The following FHL5 variants were observed in gnomAD, a reference collection of about 807,000 sequenced individuals.
FHL5 encodes four and a half LIM domains protein 5.
FHL5 carries 33 observed loss-of-function variants against 32.0 expected under a neutral mutation model. That is an observed-to-expected ratio of 1.03 (90% CI 0.78 to 1.38). The LOEUF (loss-of-function observed/expected upper bound fraction) is 1.38. Ranked by LOEUF, FHL5 falls within the 40% of genes most tolerant of loss-of-function variation. FHL5 has a pLI of 0.00. For synonymous variants in FHL5, 114 were observed against 113.6 expected (o/e 1.00, Z -0.02); for missense variants, 336 against 343.9 (o/e 0.98, Z 0.18).
chr6:96,607,612 G>C (rs1771312072), intron 4 of FHL5, among the ~76,000 whole-genome samples: 4 of 152,098 alleles, frequency 2.6e-5, no homozygotes, highest in Admixed American at 2.6e-4. Context: ...TGGCTTAGAA[G>C]GTGACTTTAC....
intron 5 of FHL5, among the ~76,000 whole-genome samples, chr6:96,611,554 T>C (rs1054297931): frequency 1.1e-4 from 17 of 152,226 alleles, no homozygotes; most frequent in Non-Finnish European, 2.4e-4. Context: ...TGGCAATTTA[T>C]AATCACTTAA....
At chr6:96,563,993 T>G (rs1770300915) in intron 1 of FHL5, among the ~76,000 whole-genome samples, 1 of 152,106 alleles carries the variant, frequency 6.6e-6, no homozygotes, top group African/African-American at 2.4e-5. Flanking sequence ...GAAACAGAGG[T>G]AGTGTTATTC....
intron 5 of FHL5, 62 bp downstream of exon 5, chr6:96,610,820 C>A: frequency 1.7e-6 from 2 of 1,209,458 alleles, no homozygotes; most frequent in Non-Finnish European, 2.3e-6. Context: ...GAAACACTAT[C>A]TAGTTAATTT....
chr6:96,570,894 A>AT lies in FHL5; in HGVS notation c.-13+7546dup, dbSNP rs1360960137. On this transcript the variant is annotated intron_variant, in intron 1 of 5. Transcript: ENST00000450218. ...ATTGAATTTTTCATTTATATTGTGA[A>AT]TTTTTTTCTTATTTTATTTAATTGT... 4.0e-5 allele frequency among the ~76,000 whole-genome samples: 6 copies of AT among 151,360 alleles called. No individual in the cohort carries two copies. In the East Asian group the frequency reaches 9.7e-4, roughly 24 times the overall value.
intron 1 of FHL5, among the ~76,000 whole-genome samples, chr6:96,600,984 C>T (rs1298213290): frequency 6.6e-6 from 1 of 152,194 alleles, no homozygotes; most frequent in Non-Finnish European, 1.5e-5. Context: ...TCTGTTCTCA[C>T]CCTACCCAAC....
chr6:96,594,896 A>C (rs1165025877), intron 1 of FHL5, among the ~76,000 whole-genome samples: 1 of 151,964 alleles, frequency 6.6e-6, no homozygotes, highest in Non-Finnish European at 1.5e-5. Context: ...TTTTCCAGCA[A>C]TACAAGGATT....
intron 1 of FHL5, among the ~76,000 whole-genome samples, chr6:96,566,719 C>T (rs552547930): frequency 7.3e-5 from 11 of 151,678 alleles, no homozygotes; most frequent in East Asian, 3.9e-4. Context: ...TATCTTCTTG[C>T]GGTTTTGATT....
At chr6:96,570,074 G>A (rs529436056) in intron 1 of FHL5, among the ~76,000 whole-genome samples, 409 of 151,848 alleles carry the variant, frequency 2.7e-3, no homozygotes, top group African/African-American at 9.4e-3. Context: ...CTACCAATGA[G>A]CTTTATACTT....
chr6:96,609,897 T>C (rs1771363187), intron 4 of FHL5, among the ~76,000 whole-genome samples: 1 of 152,092 alleles, frequency 6.6e-6, no homozygotes, highest in Non-Finnish European at 1.5e-5. Context: ...AAGATAATAG[T>C]CTGTAGTATG....
rs35724976 is a variant in FHL5, at chr6:96,604,821, G to C, written c.231G>C (p.Val77=). 2,714 of 1,614,006 alleles carry C rather than the reference G, an allele frequency of 1.7e-3. 48 individuals carry two copies. In the African/African-American group the frequency reaches 0.032, roughly 19 times the overall value. The change falls in exon 3 of 6, where the codon GTG becomes GTC. Residue 77 remains valine, a synonymous_variant. Coordinates refer to ENST00000450218, the MANE Select transcript of FHL5 (RefSeq NM_001322466.2). ...FKCTKCNHSL[V]EKPFAAKDER... Reference sequence around the variant, plus strand: ...GCACCAAATGCAATCACTCTTTGGTGGAAAAGCCTTTTGCTGCCAAGGATG... The same window carrying C: ...GCACCAAATGCAATCACTCTTTGGTCGAAAAGCCTTTTGCTGCCAAGGATG...
chr6:96,583,106 C>T (rs1770727519), intron 1 of FHL5, among the ~76,000 whole-genome samples: 1 of 152,048 alleles, frequency 6.6e-6, no homozygotes. Flanking sequence ...GAATCTGTAG[C>T]TTTTGATTTT....
intron 1 of FHL5, among the ~76,000 whole-genome samples, chr6:96,588,537 T>C (rs1770848197): frequency 6.6e-6 from 1 of 152,226 alleles, no homozygotes; most frequent in Non-Finnish European, 1.5e-5. Context: ...CATTTGATAT[T>C]GTCAGCATTC....
chr6:96,603,300 T>C (rs1202647649), intron 1 of FHL5, among the ~76,000 whole-genome samples: 1 of 152,166 alleles, frequency 6.6e-6, no homozygotes, highest in African/African-American at 2.4e-5. Flanking sequence ...AGATACCATA[T>C]TCTCATTGAA....
At chr6:96,576,216 A>G (rs1770581459) in intron 1 of FHL5, among the ~76,000 whole-genome samples, 1 of 152,184 alleles carries the variant, frequency 6.6e-6, no homozygotes, top group African/African-American at 2.4e-5. Context: ...GCATACCTTC[A>G]CACTTTTCCA....
rs752790223 is a variant in FHL5, at chr6:96,591,321, A to AT, written c.-12-12277dup. ...AGTTTTATTTATTTTAGATTTTTCC[A>AT]TTTTACCTAAATTTTCTAATTCTTT... is the stretch of plus-strand genomic sequence containing the variant. On this transcript the variant is annotated intron_variant, in intron 1 of 5. Coordinates refer to ENST00000450218, the MANE Select transcript of FHL5 (RefSeq NM_001322466.2). Among the ~76,000 whole-genome samples the AT allele has an allele frequency of 2.6e-5, 4 of 151,980 alleles. No individual in the cohort carries two copies. The East Asian group carries it at 5.8e-4, about 22-fold the overall frequency.
In FHL5 at chr6:96,617,454, T is replaced by C. The variant is rs1245735332; in HGVS notation, c.*1682T>C. Among the ~76,000 whole-genome samples, 1 of 152,266 alleles carries C rather than the reference T, an allele frequency of 6.6e-6. No individual in the cohort carries two copies. Among genetic ancestry groups the C allele is most frequent in the East Asian group, 1.9e-4 (1 of 5,204 alleles). On this transcript the variant is annotated 3_prime_UTR_variant, in exon 6 of 6. Coordinates refer to ENST00000450218, the MANE Select transcript of FHL5 (RefSeq NM_001322466.2). ...AGCGATGTTAATAATTTAGAGATAC[T>C]AATAAGTGTTCTGCTAGATAGACTA...
chr6:96,609,353 C>T (rs1198764699), intron 4 of FHL5, among the ~76,000 whole-genome samples: 2 of 152,132 alleles, frequency 1.3e-5, no homozygotes, highest in East Asian at 3.8e-4. Context: ...CTTACAAAAA[C>T]ACATTCCAGT....
intron 1 of FHL5, among the ~76,000 whole-genome samples, chr6:96,600,692 T>A (rs1487404476): frequency 6.6e-6 from 1 of 152,188 alleles, no homozygotes; most frequent in East Asian, 1.9e-4. Flanking sequence ...TATTCAAAGA[T>A]CAATAGTTAA....
chr6:96,597,952 C>A (rs1232091114), intron 1 of FHL5, among the ~76,000 whole-genome samples: 2 of 152,094 alleles, frequency 1.3e-5, no homozygotes, highest in South Asian at 2.1e-4. Context: ...TAATAATAGA[C>A]CTCCTCAGGA....
Sources: allele counts gnomAD v4.1 joint callset (sites outside exome capture counted in the v4.1 genomes callset), GRCh38; gene constraint gnomAD v4.1.1; transcripts MANE v1.5; gene names NCBI Gene and HGNC (gene_info 2026-07-23, HGNC 2026-07-21).